ASAP1: variants seen among roughly 807,000 people sequenced by gnomAD.
ASAP1 encodes the protein arf-GAP with SH3 domain, ANK repeat and PH domain-containing protein 1.
In ASAP1, 43 loss-of-function variants were observed where a neutral mutation model predicts 145.2. The ratio of observed to expected loss-of-function variants is 0.30; its 90% CI spans 0.23 to 0.38. The LOEUF (loss-of-function observed/expected upper bound fraction) is 0.38. Ranked by LOEUF, ASAP1 falls within the 10% of genes least tolerant of loss-of-function variation. The pLI, the probability that ASAP1 is intolerant of heterozygous loss-of-function variation, is 1.00. For missense variants in ASAP1, 1,018 were observed against 1,355.3 expected (o/e 0.75, Z 3.91); for synonymous variants, 546 against 515.5 (o/e 1.06, Z -0.80).
At chr8:130,118,736 T>C (rs2097560535) in intron 18 of ASAP1, 61 bp from the exon 19 acceptor site, 1 of 1,180,438 alleles carries the variant, frequency 8.5e-7, no homozygotes, top group African/African-American at 1.5e-5. Context: ...TTTACATTTT[T>C]CTGACAAACA....
chr8:130,288,301 C>A (rs1821741500), intron 3 of ASAP1, among the ~76,000 whole-genome samples: 1 of 149,814 alleles, frequency 6.7e-6, no homozygotes, highest in African/African-American at 2.4e-5. Flanking sequence ...CAATTTGGGT[C>A]CCCAGAACTC....
intron 18 of ASAP1, 47 bp downstream of exon 18, chr8:130,123,966 C>T (rs1303276189): frequency 1.5e-6 from 2 of 1,363,726 alleles, no homozygotes; most frequent in Non-Finnish European, 2.0e-6. Flanking sequence ...GGTAGAAAAA[C>T]AATTATAGAA....
At chr8:130,253,446 T>C (rs1224676619) in intron 3 of ASAP1, among the ~76,000 whole-genome samples, 1 of 152,156 alleles carries the variant, frequency 6.6e-6, no homozygotes, top group African/African-American at 2.4e-5. Context: ...TCCCAACAGA[T>C]ACATAGTTAG....
chr8:130,405,560 G>A (rs1486872708), intron 1 of ASAP1, among the ~76,000 whole-genome samples: 3 of 152,188 alleles, frequency 2.0e-5, no homozygotes, highest in African/African-American at 7.2e-5. Context: ...CCTATGGAGA[G>A]CTTCACCCTT....
intron 26 of ASAP1, 85 bp downstream of exon 26, chr8:130,079,817 G>A (rs530961250): frequency 1.4e-6 from 2 of 1,406,028 alleles, no homozygotes; most frequent in Admixed American, 3.4e-5. Context: ...AGCAGCGCTG[G>A]GAAATTCATG....
chr8:130,436,574 G>A (rs1171349598), intron 1 of ASAP1, among the ~76,000 whole-genome samples: 2 of 152,222 alleles, frequency 1.3e-5, no homozygotes, highest in African/African-American at 4.8e-5. Flanking sequence ...GCCTCCCAAA[G>A]TGTTGGGCTT....
At chr8:130,150,408 C>T (rs1471813099) in intron 13 of ASAP1, among the ~76,000 whole-genome samples, 1 of 152,192 alleles carries the variant, frequency 6.6e-6, no homozygotes, top group African/African-American at 2.4e-5. Flanking sequence ...ACTTCATCAA[C>T]TATATGATCT....
intron 4 of ASAP1, among the ~76,000 whole-genome samples, chr8:130,216,296 G>T (rs1816924571): frequency 6.6e-6 from 1 of 152,158 alleles, no homozygotes; most frequent in Non-Finnish European, 1.5e-5. Context: ...TTCAGAATTG[G>T]ATCAGATGAA....
chr8:130,143,415 T>TTTG (rs976737706), intron 13 of ASAP1, among the ~76,000 whole-genome samples: 2 of 151,974 alleles, frequency 1.3e-5, no homozygotes, highest in Non-Finnish European at 2.9e-5. Flanking sequence ...ATGTCTGTTT[T>TTTG]TTTTTTTTTT....
At chr8:130,234,695 T>G (rs1172639212) in intron 4 of ASAP1, among the ~76,000 whole-genome samples, 2 of 149,122 alleles carry the variant, frequency 1.3e-5, no homozygotes, top group African/African-American at 5.2e-5. Context: ...AAGAGTCACA[T>G]GGAGGGAGCC....
chr8:130,140,531 C>T (rs988997320), intron 13 of ASAP1, among the ~76,000 whole-genome samples: 3 of 152,218 alleles, frequency 2.0e-5, no homozygotes, highest in Non-Finnish European at 4.4e-5. Context: ...ATCCTCCTCA[C>T]CTCTCATTTC....
intron 5 of ASAP1, among the ~76,000 whole-genome samples, chr8:130,203,871 T>C (rs1462171542): frequency 6.6e-6 from 1 of 152,250 alleles, no homozygotes; most frequent in African/African-American, 2.4e-5. Context: ...CAATCAGTGT[T>C]TGCCTTATCT....
At chr8:130,232,244 G>A (rs1454546930) in intron 4 of ASAP1, among the ~76,000 whole-genome samples, 2 of 152,138 alleles carry the variant, frequency 1.3e-5, no homozygotes, top group East Asian at 1.9e-4. Context: ...AAGGGGATTA[G>A]GCTCTATCTT....
intron 3 of ASAP1, among the ~76,000 whole-genome samples, chr8:130,243,576 C>A (rs935429177): frequency 6.6e-6 from 1 of 152,150 alleles, no homozygotes; most frequent in Admixed American, 6.6e-5. Flanking sequence ...TGTTCCCACA[C>A]CCTCCACTAC....
At position 130,392,823 on chromosome 8, in the gene ASAP1, T is replaced by A. The variant is rs563840269; in HGVS notation, c.59+9062A>T. On this transcript the variant is annotated intron_variant, in intron 2 of 29. Coordinates refer to ENST00000518721, the MANE Select transcript of ASAP1 (RefSeq NM_018482.4). ...AGGTGGGGGAGGGGCTGGGATCTTTTAAACAAACAGTTGTCACGGGAACTA... is the reference window on the plus strand; with the variant it reads ...AGGTGGGGGAGGGGCTGGGATCTTTAAAACAAACAGTTGTCACGGGAACTA... Among the ~76,000 whole-genome samples, 25 of 152,166 alleles carry A rather than the reference T, an allele frequency of 1.6e-4. 1 individual carries two copies. In the South Asian group the frequency reaches 4.8e-3, roughly 29 times the overall value.
intron 7 of ASAP1, among the ~76,000 whole-genome samples, chr8:130,184,555 G>A (rs767340394): frequency 1.4e-4 from 22 of 152,192 alleles, no homozygotes; most frequent in Non-Finnish European, 2.9e-4. Context: ...TTAGATTGTG[G>A]AGGACAATAC....
intron 7 of ASAP1, among the ~76,000 whole-genome samples, chr8:130,183,627 C>A (rs1020377538): frequency 2.0e-5 from 3 of 152,086 alleles, no homozygotes; most frequent in Non-Finnish European, 4.4e-5. Flanking sequence ...CAGGCATGAG[C>A]CACCGTGCCT....
chr8:130,363,586 G>A, intron 2 of ASAP1, among the ~76,000 whole-genome samples: 1 of 152,098 alleles, frequency 6.6e-6, no homozygotes, highest in East Asian at 1.9e-4. Flanking sequence ...TTTCCATCTG[G>A]AGTCAGGTAC....
At chr8:130,115,854 A>G (rs767860647) in intron 22 of ASAP1, 119 bp from the exon 23 acceptor site, 9 of 727,414 alleles carry the variant, frequency 1.2e-5, no homozygotes, top group Non-Finnish European at 1.9e-5. Flanking sequence ...CTGTAGGTGT[A>G]CTATAGGCAA....
Sources: allele counts gnomAD v4.1 joint callset (sites outside exome capture counted in the v4.1 genomes callset), GRCh38; gene constraint gnomAD v4.1.1; transcripts MANE v1.5; gene names NCBI Gene and HGNC (gene_info 2026-07-23, HGNC 2026-07-21).